Variants in AFAP1 observed in about 807,000 individuals in gnomAD.
AFAP1 encodes the protein actin filament-associated protein 1.
AFAP1 carries 75 observed loss-of-function variants against 93.9 expected under a neutral mutation model. The observed-to-expected ratio is 0.80, with a 90% CI of 0.66 to 0.97. The LOEUF is 0.97. Among genes scored for constraint, AFAP1 ranks in the 50% least tolerant of loss-of-function variants. The probability of loss-of-function intolerance (pLI) is 0.00; values close to 1 mark genes in which losing one functional copy is unlikely to be tolerated. For missense variants in AFAP1, 1,201 were observed against 1,050.8 expected, an observed-to-expected ratio of 1.14 and a Z score of -1.98; for synonymous variants, 517 against 430.7, an observed-to-expected ratio of 1.20 and a Z score of -2.48.
intron 1 of AFAP1, among the ~76,000 whole-genome samples, chr4:7,915,095 G>A (rs1720010647): frequency 6.6e-6 from 1 of 152,142 alleles, no homozygotes; most frequent in South Asian, 2.1e-4. Flanking sequence ...TGTTGGCCAG[G>A]CTGGTTTCAA....
chr4:7,876,672 C>G (rs942040295), intron 1 of AFAP1, among the ~76,000 whole-genome samples: 5 of 152,198 alleles, frequency 3.3e-5, no homozygotes, highest in Non-Finnish European at 7.3e-5. Flanking sequence ...CTGTTGTTAG[C>G]TACTCGGAAA....
At chr4:7,864,682 AAG>A in intron 3 of AFAP1, among the ~76,000 whole-genome samples, 1 of 152,240 alleles carries the variant, frequency 6.6e-6, no homozygotes, top group Non-Finnish European at 1.5e-5. Flanking sequence ...TGTATTTACC[AAG>A]AGTCAGCTTT....
At chr4:7,916,124 A>T (rs1165784100) in intron 1 of AFAP1, among the ~76,000 whole-genome samples, 1 of 152,180 alleles carries the variant, frequency 6.6e-6, no homozygotes, top group Non-Finnish European at 1.5e-5. Flanking sequence ...GAGCACCTTG[A>T]AATGGGCAAT....
intron 13 of AFAP1, 163 bp from the exon 14 acceptor site, chr4:7,779,039 A>G (rs1436283966): frequency 3.3e-6 from 2 of 603,430 alleles, no homozygotes; most frequent in Non-Finnish European, 5.8e-6. Context: ...TGGTTTCCAA[A>G]CACTGGGCTG....
In AFAP1 at chr4:7,841,008, T is replaced by C. The variant is rs1264795944; in HGVS notation, c.546+2131A>G. Among the ~76,000 whole-genome samples, 4 of 152,206 alleles carry C rather than the reference T, an allele frequency of 2.6e-5. No individual in the cohort carries two copies. In the East Asian group the frequency reaches 7.7e-4, roughly 29 times the overall value. ...ATTTCAGAAAGGGAACTTTATAACA[T>C]ATTCTTCCTTAAGTTAAATGCCTCA... is the stretch of plus-strand genomic sequence containing the variant. On this transcript the variant is annotated intron_variant, in intron 5 of 17. Coordinates refer to ENST00000420658, the MANE Select transcript of AFAP1 (RefSeq NM_001134647.2).
intron 17 of AFAP1, among the ~76,000 whole-genome samples, chr4:7,765,060 C>A (rs1033465157): frequency 6.6e-6 from 1 of 152,124 alleles, no homozygotes; most frequent in Non-Finnish European, 1.5e-5. Flanking sequence ...AAGCCATGAT[C>A]GCCACTGCAC....
chr4:7,845,108 T>C (rs968045359), intron 4 of AFAP1, among the ~76,000 whole-genome samples: 2 of 152,200 alleles, frequency 1.3e-5, no homozygotes, highest in East Asian at 1.9e-4. Flanking sequence ...AGAGTTTAAG[T>C]TGAATTTTCA....
intron 9 of AFAP1, among the ~76,000 whole-genome samples, chr4:7,804,886 G>T (rs562496951): frequency 6.6e-6 from 1 of 152,184 alleles, no homozygotes; most frequent in Non-Finnish European, 1.5e-5. Flanking sequence ...AGCAGCTTTC[G>T]GAGAAACCAA....
intron 1 of AFAP1, among the ~76,000 whole-genome samples, chr4:7,874,893 T>A (rs917232178): frequency 2.0e-5 from 3 of 152,160 alleles, no homozygotes; most frequent in Non-Finnish European, 4.4e-5. Flanking sequence ...TATTGATATT[T>A]TAATGAATAA....
At chr4:7,902,418 C>G (rs1719168086) in intron 1 of AFAP1, among the ~76,000 whole-genome samples, 1 of 152,202 alleles carries the variant, frequency 6.6e-6, no homozygotes, top group Non-Finnish European at 1.5e-5. Context: ...GGCTGCTAAT[C>G]AGATTTGAGT....
chr4:7,814,981 C>T (rs1289801606), intron 8 of AFAP1, among the ~76,000 whole-genome samples: 1 of 152,258 alleles, frequency 6.6e-6, no homozygotes, highest in African/African-American at 2.4e-5. Flanking sequence ...ATCTTTCACA[C>T]TAGCCCGAAG....
At chr4:7,867,451 C>T (rs1716553766) in intron 3 of AFAP1, among the ~76,000 whole-genome samples, 1 of 152,160 alleles carries the variant, frequency 6.6e-6, no homozygotes, top group Admixed American at 6.5e-5. Flanking sequence ...CAGCCTACAG[C>T]CACCCTGGAC....
At chr4:7,910,865 C>A (rs974983413) in intron 1 of AFAP1, among the ~76,000 whole-genome samples, 1 of 152,196 alleles carries the variant, frequency 6.6e-6, no homozygotes, top group Non-Finnish European at 1.5e-5. Context: ...ATTCCCACTG[C>A]GGTGAGGGCG....
chr4:7,907,352 C>A (rs1289542112), intron 1 of AFAP1, among the ~76,000 whole-genome samples: 1 of 152,174 alleles, frequency 6.6e-6, no homozygotes, highest in East Asian at 1.9e-4. Flanking sequence ...CTAACAATTT[C>A]AAAATTCCCA....
chr4:7,891,743 TAAAA>T (rs778916445), intron 1 of AFAP1, among the ~76,000 whole-genome samples: 4 of 62,800 alleles, frequency 6.4e-5, no homozygotes, highest in East Asian at 8.3e-4. Context: ...ATGGTCTCAT[TAAAA>T]AAAAAAAAAA....
At chr4:7,847,460 C>T (rs1713846404) in intron 4 of AFAP1, among the ~76,000 whole-genome samples, 1 of 152,118 alleles carries the variant, frequency 6.6e-6, no homozygotes, top group South Asian at 2.1e-4. Context: ...ATCAAGAGAA[C>T]TCTCCGGAAA....
intron 1 of AFAP1, among the ~76,000 whole-genome samples, chr4:7,923,353 T>C (rs1720540275): frequency 6.6e-6 from 1 of 152,226 alleles, no homozygotes; most frequent in South Asian, 2.1e-4. Context: ...CCCACAGCTC[T>C]GGAGGCTGGA....
intron 12 of AFAP1, among the ~76,000 whole-genome samples, chr4:7,783,035 A>G (rs1195386734): frequency 6.6e-6 from 1 of 152,206 alleles, no homozygotes; most frequent in Non-Finnish European, 1.5e-5. Context: ...AGTTTAAAGT[A>G]TGTGAGTGTG....
chr4:7,803,032 G>A (rs1408847174), intron 9 of AFAP1, among the ~76,000 whole-genome samples: 6 of 152,268 alleles, frequency 3.9e-5, no homozygotes, highest in South Asian at 2.1e-4. Flanking sequence ...CCACGTGCTC[G>A]CCATGGCTCT....
Sources: allele counts gnomAD v4.1 joint callset (sites outside exome capture counted in the v4.1 genomes callset), GRCh38; gene constraint gnomAD v4.1.1; transcripts MANE v1.5; gene names NCBI Gene and HGNC (gene_info 2026-07-23, HGNC 2026-07-21).